The following CD300LF variants were observed in gnomAD, a reference collection of about 807,000 sequenced individuals.
CD300LF encodes the protein CMRF35-like molecule 1.
A neutral mutation model predicts 32.2 loss-of-function variants in CD300LF; 27 were observed. That is an observed-to-expected ratio of 0.84 (90% CI 0.62 to 1.15). CD300LF has a LOEUF of 1.15. Ranked by LOEUF, CD300LF falls within the 50% of genes most tolerant of loss-of-function variation. The pLI is 0.00. For missense variants in CD300LF, 348 were observed against 356.8 expected, an observed-to-expected ratio of 0.98 and a Z score of 0.20; for synonymous variants, 139 against 143.2, an observed-to-expected ratio of 0.97 and a Z score of 0.21.
At chr17:74,698,534 A>C in intron 3 of CD300LF, 53 bp from the exon 4 acceptor site, 1 of 1,560,482 alleles carries the variant, frequency 6.4e-7, no homozygotes, top group South Asian at 1.2e-5. Flanking sequence ...CCTGCCTCTC[A>C]GCCCAATCCC....
Position 74,695,734 on chromosome 17 carries a change from A to G in CD300LF, c.708T>C (p.Tyr236=). 6.2e-7 allele frequency: 1 copy of G among 1,614,098 alleles called. No individual in the cohort carries two copies. Among genetic ancestry groups the G allele is most frequent in the African/African-American group, 1.3e-5 (1 of 75,034 alleles). Residue 236 remains tyrosine (Y), a synonymous_variant, in exon 6 of 7, where the codon TAT becomes TAC. Coordinates refer to ENST00000326165, the MANE Select transcript of CD300LF (RefSeq NM_139018.5). ...CCCATGGAGGACGCACCATGGTGAC[A>G]TATTCCACTTCCACCTGGTCAACCT... ...SAQVDQVEVE[Y]VTMASLPKED...
At chr17:74,698,885 G>C (rs752275594) in intron 3 of CD300LF, among the ~76,000 whole-genome samples, 1 of 152,042 alleles carries the variant, frequency 6.6e-6, no homozygotes, top group East Asian at 1.9e-4. Context: ...TAAAATTTAA[G>C]AATTTTAACA....
Position 74,694,645 on chromosome 17 carries a change from A to T in CD300LF, c.*451T>A, listed in dbSNP as rs893360435. 1 of 153,240 alleles carries T rather than the reference A, an allele frequency of 6.5e-6. No individual in the cohort carries two copies. Among genetic ancestry groups the T allele is most frequent in the Non-Finnish European group, 1.5e-5 (1 of 68,858 alleles). The allele number at this position is 153,240 out of a possible 1,614,324, so 9.5% of individuals were successfully genotyped here. Reference sequence around the variant, plus strand: ...CTCTATCTCAAAGTCCTTAACTTACATACATCTGCACTGTCCCTTTCTGCC... The same window carrying T: ...CTCTATCTCAAAGTCCTTAACTTACTTACATCTGCACTGTCCCTTTCTGCC... On this transcript the variant is annotated 3_prime_UTR_variant, in exon 7 of 7. Coordinates refer to ENST00000326165, the MANE Select transcript of CD300LF (RefSeq NM_139018.5).
intron 4 of CD300LF, among the ~76,000 whole-genome samples, chr17:74,697,933 T>G (rs2032656163): frequency 6.6e-6 from 1 of 152,140 alleles, no homozygotes; most frequent in South Asian, 2.1e-4. Flanking sequence ...TGATCGCGCA[T>G]GTGTGTGTGC....
chr17:74,695,820 G>A lies in CD300LF; in HGVS notation c.622C>T (p.Leu208=). 6.2e-7 allele frequency: 1 copy of A among 1,614,154 alleles called. No homozygotes were observed. Among genetic ancestry groups the A allele is most frequent in the Non-Finnish European group, 8.5e-7 (1 of 1,180,006 alleles). The change falls in exon 6 of 7, where the codon CTG becomes TTG. Residue 208 remains leucine, a synonymous_variant. Transcript: ENST00000326165. ...PLEGDLCYAD[L]TLQLAGTSPQ... ...GAGGTTCCGGCCAGCTGCAGGGTCA[G>A]GTCTGCATAGCAGAGGTCGCCCTCC...
chr17:74,705,281 G>T, intron 1 of CD300LF: 1 of 700,058 alleles, frequency 1.4e-6, no homozygotes, highest in Admixed American at 2.0e-5. Flanking sequence ...AGGCTGTCCT[G>T]GTGGTCCTAA....
At chr17:74,699,281 G>A (rs893679881) in intron 3 of CD300LF, among the ~76,000 whole-genome samples, 2 of 152,128 alleles carry the variant, frequency 1.3e-5, no homozygotes, top group African/African-American at 4.8e-5. Flanking sequence ...GTGTCTAGAA[G>A]CCTAACAGAA....
At chr17:74,697,554 G>A (rs926421486) in intron 4 of CD300LF, among the ~76,000 whole-genome samples, 3 of 152,218 alleles carry the variant, frequency 2.0e-5, no homozygotes, top group Non-Finnish European at 4.4e-5. Context: ...GATTTCCCAG[G>A]CTGTGGGGAG....
intron 3 of CD300LF, 101 bp downstream of exon 3, chr17:74,702,934 A>T: frequency 1.0e-6 from 1 of 959,284 alleles, no homozygotes; most frequent in Non-Finnish European, 1.6e-6. Flanking sequence ...AGGAGCATGC[A>T]GGTCCCAGAC....
intron 3 of CD300LF, among the ~76,000 whole-genome samples, chr17:74,702,699 G>T (rs551144296): frequency 6.6e-6 from 1 of 152,040 alleles, no homozygotes; most frequent in African/African-American, 2.4e-5. Context: ...CCAACTCATC[G>T]GTCTCCCACA....
chr17:74,695,758 C>A lies in CD300LF; in HGVS notation c.684G>T (p.Gln228His), dbSNP rs1464419978. ...CATATTCCACTTCCACCTGGTCAAC[C>A]TGGGCAGAGGAAAGCTTCGTGGTAG... ...QKATTKLSSA[Q>H]VDQVEVEYVT... Residue 228 changes from glutamine (Q) to histidine (H), a missense_variant, in exon 6 of 7, where the codon CAG becomes CAT. Gln to His is a conservative substitution (Grantham distance 24, BLOSUM62 0). Coordinates refer to ENST00000326165, the MANE Select transcript of CD300LF (RefSeq NM_139018.5). The A allele has an allele frequency of 6.2e-7, 1 of 1,614,194 alleles. No individual in the cohort carries two copies. Among genetic ancestry groups the A allele is most frequent in the South Asian group, 1.1e-5 (1 of 91,090 alleles).
chr17:74,702,273 G>A (rs1381150840), intron 3 of CD300LF, among the ~76,000 whole-genome samples: 1 of 152,110 alleles, frequency 6.6e-6, no homozygotes, highest in Non-Finnish European at 1.5e-5. Flanking sequence ...GACTGCAGAT[G>A]GTTGGGCAGG....
At chr17:74,698,289 C>T in intron 4 of CD300LF, 80 bp downstream of exon 4, 3 of 998,232 alleles carry the variant, frequency 3.0e-6, no homozygotes. Flanking sequence ...TGGGTAATCC[C>T]TTGGACCAGA....
intron 1 of CD300LF, among the ~76,000 whole-genome samples, chr17:74,708,902 C>A (rs2033746664): frequency 7.1e-6 from 1 of 140,654 alleles, no homozygotes; most frequent in African/African-American, 2.7e-5. Flanking sequence ...GGCGACAGAG[C>A]AAGACTCCGT....
intron 3 of CD300LF, among the ~76,000 whole-genome samples, chr17:74,699,388 C>T (rs936334134): frequency 1.3e-5 from 2 of 152,128 alleles, no homozygotes; most frequent in Non-Finnish European, 2.9e-5. Context: ...TTCACATCCA[C>T]TCAGACCCGT....
chr17:74,701,868 A>T (rs1240236440), intron 3 of CD300LF, among the ~76,000 whole-genome samples: 2 of 146,190 alleles, frequency 1.4e-5, no homozygotes, highest in Admixed American at 6.9e-5. Context: ...AAAAAAAAAC[A>T]ATTAGCTGGG....
chr17:74,700,770 A>G (rs374822488), intron 3 of CD300LF, among the ~76,000 whole-genome samples: 1 of 152,036 alleles, frequency 6.6e-6, no homozygotes, highest in African/African-American at 2.4e-5. Flanking sequence ...CAAACAACAA[A>G]AAAAACTGTT....
rs999980707 is a variant in CD300LF, at chr17:74,700,362, C to T, written c.447-1881G>A. ...CCAGGCACATCCCCACATTACGGAC[C>T]TTATTCCAGTTGCATTTTTCTCCAG... On this transcript the variant is annotated intron_variant, in intron 3 of 6. Transcript: ENST00000326165. 2.0e-5 allele frequency among the ~76,000 whole-genome samples: 3 copies of T among 152,176 alleles called. No homozygotes were observed. The South Asian group carries it at 6.2e-4, about 32-fold the overall frequency.
Position 74,698,444 on chromosome 17 carries a change from T to C in CD300LF, c.484A>G (p.Ile162Val), listed in dbSNP as rs1229699860. The C allele has an allele frequency of 6.2e-7, 1 of 1,613,868 alleles. No homozygotes were observed. Among genetic ancestry groups the C allele is most frequent in the East Asian group, 2.2e-5 (1 of 44,878 alleles). The change falls in exon 4 of 7, where the codon ATC becomes GTC. Residue 162 changes from isoleucine (I) to valine (V), a missense_variant. By Grantham distance (29) the Ile-to-Val change is conservative (BLOSUM62 3). Coordinates refer to ENST00000326165, the MANE Select transcript of CD300LF (RefSeq NM_139018.5). ...LLKLSVLLPL[I>V]FTILLLLLVA... ...AAAAGCAGCAGCAATATGGTGAAGATGAGGGGCAGGAGGACACTGAGCTTC... is the reference window on the plus strand; with the variant it reads ...AAAAGCAGCAGCAATATGGTGAAGACGAGGGGCAGGAGGACACTGAGCTTC...
Sources: allele counts gnomAD v4.1 joint callset (sites outside exome capture counted in the v4.1 genomes callset), GRCh38; gene constraint gnomAD v4.1.1; transcripts MANE v1.5; gene names NCBI Gene and HGNC (gene_info 2026-07-23, HGNC 2026-07-21).